Variants in NCALD observed in about 807,000 individuals in gnomAD.
NCALD encodes the protein neurocalcin delta.
NCALD carries 10 observed loss-of-function variants against 18.6 expected under a neutral mutation model. The observed-to-expected ratio is 0.54, with a 90% confidence interval of 0.33 to 0.91. The LOEUF (loss-of-function observed/expected upper bound fraction) is 0.91. Among genes scored for constraint, NCALD ranks in the 40% least tolerant of loss-of-function variants. The pLI is 0.03. For missense variants in NCALD, 184 were observed against 247.6 expected, an observed-to-expected ratio of 0.74 and a Z score of 1.72; for synonymous variants, 88 against 87.4, an observed-to-expected ratio of 1.01 and a Z score of -0.04.
chr8:101,755,426 C>G (rs1368866394), intron 1 of NCALD, among the ~76,000 whole-genome samples: 1 of 152,278 alleles, frequency 6.6e-6, no homozygotes, highest in Non-Finnish European at 1.5e-5. Flanking sequence ...CCCAGCACAG[C>G]TGTCTTTGCC....
intron 1 of NCALD, among the ~76,000 whole-genome samples, chr8:102,096,404 A>T (rs1352503515): frequency 1.3e-5 from 2 of 152,208 alleles, no homozygotes; most frequent in Non-Finnish European, 2.9e-5. Context: ...TAGGGTCTGG[A>T]GGCAGGGAAC....
intron 2 of NCALD, among the ~76,000 whole-genome samples, chr8:101,917,237 G>T (rs1190729348): frequency 6.6e-6 from 1 of 152,078 alleles, no homozygotes; most frequent in Non-Finnish European, 1.5e-5. Context: ...ACTTGTTTCT[G>T]AGTGGCTTTC....
In NCALD at chr8:101,919,913, A is replaced by T. The variant is rs539330222; in HGVS notation, c.-156-4055T>A. 7.9e-5 allele frequency among the ~76,000 whole-genome samples: 12 copies of T among 152,278 alleles called. No individual in the cohort carries two copies. In the East Asian group the frequency reaches 2.3e-3, roughly 29 times the overall value. On this transcript the variant is annotated intron_variant, in intron 2 of 6. Transcript: ENST00000311028. Reference sequence around the variant, plus strand: ...GCTGGTGAGGCTACAAAGAAAAGGGAATGCTTACACACTGTTGGTGGGAAT... The same window carrying T: ...GCTGGTGAGGCTACAAAGAAAAGGGTATGCTTACACACTGTTGGTGGGAAT...
intron 2 of NCALD, among the ~76,000 whole-genome samples, chr8:101,919,765 T>C (rs975270253): frequency 2.7e-5 from 4 of 150,692 alleles, no homozygotes; most frequent in Non-Finnish European, 5.9e-5. Flanking sequence ...CCAACAAACA[T>C]GCAAAAATGC....
At chr8:101,941,473 C>G (rs1173343533) in intron 2 of NCALD, among the ~76,000 whole-genome samples, 1 of 152,214 alleles carries the variant, frequency 6.6e-6, no homozygotes, top group Non-Finnish European at 1.5e-5. Flanking sequence ...AGTACCAGTA[C>G]CAGCCCGGGA....
chr8:101,722,540 C>T lies in NCALD; in HGVS notation c.-19-2892G>A, dbSNP rs1191771956. ...TACAGTTTGTGCAAATTGCTGCTTG[C>T]CTGGCCTTGGGGAAAAATGCCATTC... On this transcript the variant is annotated intron_variant, in intron 1 of 3. Coordinates refer to ENST00000220931, the MANE Select transcript of NCALD (RefSeq NM_032041.3). Among the ~76,000 whole-genome samples, 4 of 152,144 alleles carry T rather than the reference C, an allele frequency of 2.6e-5. No individual in the cohort carries two copies. The East Asian group carries it at 7.7e-4, about 29-fold the overall frequency.
chr8:101,736,017 C>T (rs1201824215), intron 1 of NCALD, among the ~76,000 whole-genome samples: 1 of 152,228 alleles, frequency 6.6e-6, no homozygotes, highest in Admixed American at 6.5e-5. Flanking sequence ...GTGCCCTACA[C>T]ATCTGGGCTA....
At chr8:102,032,002 A>G (rs1822689947) in intron 1 of NCALD, among the ~76,000 whole-genome samples, 1 of 152,132 alleles carries the variant, frequency 6.6e-6, no homozygotes, top group Admixed American at 6.5e-5. Flanking sequence ...TCTCTGAGTA[A>G]CAGCTGCTGA....
chr8:101,747,987 G>A (rs1405509154), intron 1 of NCALD, among the ~76,000 whole-genome samples: 3 of 151,998 alleles, frequency 2.0e-5, no homozygotes, highest in Non-Finnish European at 4.4e-5. Flanking sequence ...CAAAGTGCTG[G>A]GATTACAGGC....
In NCALD at chr8:101,732,590, C is replaced by CTTTTTTTTTTTTT. The variant is rs576286368; in HGVS notation, c.-19-12955_-19-12943dup. ...AATTCAGAGTATTTCTTTTTCTTTGCTTTTTTTTTTTTTTTTTTTTTTTTT... is the reference window on the plus strand; with the variant it reads ...AATTCAGAGTATTTCTTTTTCTTTGCTTTTTTTTTTTTTTTTTTTTTTTTTTTTTTTTTTTTTT... On this transcript the variant is annotated intron_variant, in intron 1 of 3. Transcript: ENST00000220931. Among the ~76,000 whole-genome samples the CTTTTTTTTTTTTT allele has an allele frequency of 3.7e-4, 20 of 53,676 alleles. 4 individuals carry two copies. Among genetic ancestry groups the CTTTTTTTTTTTTT allele is most frequent in the South Asian group, 9.3e-4 (1 of 1,074 alleles). The allele number at this position is 53,676 out of a possible 152,430, so 35.2% of individuals were successfully genotyped here. A position where few individuals can be genotyped will look rare whatever the true frequency, so the allele number is the denominator to read the frequency against.
chr8:102,055,264 AAAG>A lies in NCALD; in HGVS notation c.-209-34978_-209-34976del, dbSNP rs1162932987. Among the ~76,000 whole-genome samples the A allele has an allele frequency of 1.4e-3, 203 of 144,924 alleles. 2 individuals are homozygous for A. The highest frequency in any genetic ancestry group is 4.8e-3 in the African/African-American group (191 of 39,796). ...CATTCATGATATGAAAAAAAAAAAA[AAAG>A]AAGAAGAAGCCGGTGGGGCCATGCC... On this transcript the variant is annotated intron_variant, in intron 1 of 6. Coordinates refer to the NCALD transcript ENST00000311028.
At position 101,703,580 on chromosome 8, in the gene NCALD, A is replaced by C. The variant is rs533545048; in HGVS notation, c.379-10684T>G. Reference sequence around the variant, plus strand: ...CCAGACGCTGGGAATTGGGCAACGAAGGACAGTGATCCCTGAGAAAATGAA... The same window carrying C: ...CCAGACGCTGGGAATTGGGCAACGACGGACAGTGATCCCTGAGAAAATGAA... On this transcript the variant is annotated intron_variant, in intron 2 of 3. Coordinates refer to ENST00000220931, the MANE Select transcript of NCALD (RefSeq NM_032041.3). Among the ~76,000 whole-genome samples the C allele has an allele frequency of 4.6e-5, 7 of 152,326 alleles. No individual in the cohort carries two copies. In the East Asian group the frequency reaches 1.2e-3, roughly 25 times the overall value.
intron 4 of NCALD, among the ~76,000 whole-genome samples, chr8:101,852,233 G>C (rs1024264832): frequency 6.6e-6 from 1 of 152,166 alleles, no homozygotes; most frequent in African/African-American, 2.4e-5. Flanking sequence ...TTTTCTCGAG[G>C]GAGTGATATT....
At chr8:102,035,419 T>C (rs939687801) in intron 1 of NCALD, among the ~76,000 whole-genome samples, 11 of 152,184 alleles carry the variant, frequency 7.2e-5, no homozygotes, top group Admixed American at 7.2e-4. Context: ...ACACTTGTTT[T>C]AGCCTGCCAT....
intron 2 of NCALD, among the ~76,000 whole-genome samples, chr8:102,004,307 G>A (rs1042328606): frequency 6.6e-6 from 1 of 152,164 alleles, no homozygotes; most frequent in African/African-American, 2.4e-5. Flanking sequence ...AAATACTTAG[G>A]AATCCAACTT....
intron 2 of NCALD, among the ~76,000 whole-genome samples, chr8:102,010,084 T>C (rs1586918497): frequency 6.6e-6 from 1 of 152,166 alleles, no homozygotes; most frequent in Non-Finnish European, 1.5e-5. Flanking sequence ...GGGCCCCAGG[T>C]TGGGGAGGGC....
chr8:102,025,680 G>C (rs1397095187), intron 1 of NCALD, among the ~76,000 whole-genome samples: 2 of 152,104 alleles, frequency 1.3e-5, no homozygotes, highest in African/African-American at 4.8e-5. Flanking sequence ...TTTTCTACTA[G>C]ACTACAAACT....
chr8:101,898,452 GT>G (rs1340099211), intron 3 of NCALD, among the ~76,000 whole-genome samples: 1 of 152,016 alleles, frequency 6.6e-6, no homozygotes, highest in Non-Finnish European at 1.5e-5. Flanking sequence ...TTTTCTCCTA[GT>G]CTATAGCTTC....
At chr8:101,753,746 C>T (rs1468633297) in intron 1 of NCALD, among the ~76,000 whole-genome samples, 4 of 152,040 alleles carry the variant, frequency 2.6e-5, no homozygotes, top group African/African-American at 7.2e-5. Context: ...GGATGAAATG[C>T]CTGGAACTGA....
Sources: gnomAD v4.1 joint callset for allele counts (sites outside exome capture counted in the v4.1 genomes callset) on GRCh38, gnomAD v4.1.1 for gene constraint, MANE v1.5 for transcripts, NCBI Gene and HGNC (gene_info 2026-07-23, HGNC 2026-07-21) for gene names.